The following ZNF609 variants were observed in gnomAD, a reference collection of about 807,000 sequenced individuals.
ZNF609 encodes zinc finger protein 609.
In ZNF609, 11 loss-of-function variants were observed where a neutral mutation model predicts 109.5. The ratio of observed to expected loss-of-function variants is 0.10; its 90% CI spans 0.06 to 0.17. ZNF609 has a LOEUF of 0.17. Among genes scored for constraint, ZNF609 ranks in the 10% least tolerant of loss-of-function variants. The probability of loss-of-function intolerance (pLI) is 1.00; values close to 1 mark genes in which losing one functional copy is unlikely to be tolerated. For missense variants in ZNF609, 1,559 were observed against 1,772.4 expected, an observed-to-expected ratio of 0.88 and a Z score of 2.16; for synonymous variants, 646 against 662.0, an observed-to-expected ratio of 0.98 and a Z score of 0.37.
chr15:64,647,794 C>G (rs923097085), intron 3 of ZNF609, among the ~76,000 whole-genome samples: 14 of 152,084 alleles, frequency 9.2e-5, no homozygotes, highest in Admixed American at 3.3e-4. Flanking sequence ...CCTCACATAC[C>G]AAGGAGACAC....
At chr15:64,633,437 A>G (rs1028175155) in intron 3 of ZNF609, among the ~76,000 whole-genome samples, 2 of 151,964 alleles carry the variant, frequency 1.3e-5, no homozygotes, top group African/African-American at 4.8e-5. Context: ...GTGAACCACT[A>G]CACCTGGCCT....
chr15:64,547,698 A>G (rs565767987), intron 2 of ZNF609, among the ~76,000 whole-genome samples: 9 of 151,840 alleles, frequency 5.9e-5, no homozygotes, highest in Non-Finnish European at 1.3e-4. Flanking sequence ...CCACCAGTGT[A>G]CCAGGCACTG....
At chr15:64,543,406 T>C (rs1021868904) in intron 2 of ZNF609, among the ~76,000 whole-genome samples, 1 of 151,280 alleles carries the variant, frequency 6.6e-6, no homozygotes, top group African/African-American at 2.4e-5. Context: ...CTTTTTTCTC[T>C]GCTTAAAACA....
At chr15:64,528,381 T>TTTATTA (rs200965877) in intron 2 of ZNF609, among the ~76,000 whole-genome samples, 11 of 150,040 alleles carry the variant, frequency 7.3e-5, no homozygotes, top group South Asian at 2.1e-4. Context: ...TTTAAAAAAA[T>TTTATTA]TTATTATTAT....
intron 2 of ZNF609, among the ~76,000 whole-genome samples, chr15:64,521,708 T>G (rs1893893286): frequency 6.6e-6 from 1 of 152,168 alleles, no homozygotes; most frequent in South Asian, 2.1e-4. Context: ...AGCCCATCAT[T>G]GCCAGTGTGG....
chr15:64,591,985 G>C (rs1406308364), intron 2 of ZNF609, among the ~76,000 whole-genome samples: 3 of 152,028 alleles, frequency 2.0e-5, no homozygotes, highest in South Asian at 4.2e-4. Context: ...CTGGGATTGC[G>C]AGTGTCAGCC....
chr15:64,665,733 C>T (rs1332766858), intron 3 of ZNF609, among the ~76,000 whole-genome samples: 1 of 152,054 alleles, frequency 6.6e-6, no homozygotes, highest in African/African-American at 2.4e-5. Context: ...ATGGAGAAAC[C>T]CCATATCTAC....
intron 2 of ZNF609, among the ~76,000 whole-genome samples, chr15:64,552,512 G>A (rs1308851188): frequency 3.3e-5 from 5 of 151,832 alleles, no homozygotes; most frequent in East Asian, 1.9e-4. Flanking sequence ...CACGCACCAC[G>A]CCTGGCTAAT....
chr15:64,614,466 C>G (rs1402037956), intron 2 of ZNF609, among the ~76,000 whole-genome samples: 1 of 152,002 alleles, frequency 6.6e-6, no homozygotes, highest in Non-Finnish European at 1.5e-5. Context: ...GATCTCCTGA[C>G]CTTGTGATCG....
Position 64,465,094 on chromosome 15 carries a change from T to G in ZNF609, c.-128+4256T>G, listed in dbSNP as rs149973868. The stretch of plus-strand genomic sequence containing the variant: ...ATTTATGGGAGTTCTGGCTTTATGC[T>G]TTGTGCATGGGAGGGAAATAGTGGT... On this transcript the variant is annotated intron_variant, in intron 1 of 9. Transcript: ENST00000326648. Among the ~76,000 whole-genome samples the G allele has an allele frequency of 2.7e-3, 417 of 152,292 alleles. 2 individuals carry two copies. Among genetic ancestry groups the G allele is most frequent in the African/African-American group, 9.4e-3 (392 of 41,564 alleles).
In ZNF609 at chr15:64,490,450, T is replaced by G. The variant is rs540223733; in HGVS notation, c.-127-8843T>G. ...CACCACACCTGGCTAGTTTTTGTAT[T>G]TTTAGTAGAGACAGGGTTTCTCCAT... On this transcript the variant is annotated intron_variant, in intron 1 of 9. Coordinates refer to ENST00000326648, the MANE Select transcript of ZNF609 (RefSeq NM_015042.2). 6.3e-4 allele frequency among the ~76,000 whole-genome samples: 96 copies of G among 152,098 alleles called. No homozygotes were observed. The South Asian group carries it at 9.8e-3, about 15-fold the overall frequency.
chr15:64,598,784 A>ATATATATC (rs1567025010), intron 2 of ZNF609, among the ~76,000 whole-genome samples: 45 of 116,926 alleles, frequency 3.8e-4, no homozygotes, highest in Non-Finnish European at 5.8e-4. Flanking sequence ...ATATATATAT[A>ATATATATC]TATCCTGTTA....
chr15:64,487,577 A>G (rs958240726), intron 1 of ZNF609, among the ~76,000 whole-genome samples: 6 of 149,868 alleles, frequency 4.0e-5, no homozygotes, highest in African/African-American at 1.5e-4. Flanking sequence ...ACCACTTTTC[A>G]TGACTGCTTT....
intron 1 of ZNF609, among the ~76,000 whole-genome samples, chr15:64,484,031 T>C (rs1028919139): frequency 7.1e-6 from 1 of 141,798 alleles, no homozygotes; most frequent in Non-Finnish European, 1.5e-5. Context: ...GATCAGAGGG[T>C]GCTGTTTCAG....
intron 2 of ZNF609, among the ~76,000 whole-genome samples, chr15:64,577,036 A>ATATATACACATAAATATATATATG (rs1474493390): frequency 7.7e-5 from 10 of 130,620 alleles, no homozygotes; most frequent in Admixed American, 2.6e-4. Context: ...ATATATATGT[A>ATATATACACATAAATATATATATG]TATATACACA....
intron 4 of ZNF609, among the ~76,000 whole-genome samples, chr15:64,672,422 C>T (rs1409746307): frequency 2.1e-5 from 3 of 145,226 alleles, no homozygotes; most frequent in Non-Finnish European, 3.0e-5. Context: ...GTCAGGAGTT[C>T]GAGACCAGCC....
In ZNF609 at chr15:64,577,138, AAATATATACATATGTGTATATATACACAC is replaced by A. The variant is rs1401536415; in HGVS notation, c.748-45675_748-45647del. Among the ~76,000 whole-genome samples, 61 of 28,832 alleles carry A rather than the reference AAATATATACATATGTGTATATATACACAC, an allele frequency of 2.1e-3. 14 individuals carry two copies. Among genetic ancestry groups the A allele is most frequent in the Admixed American group, 6.4e-3 (10 of 1,568 alleles). 18.9% of individuals were successfully genotyped at this position (28,832 alleles called of 152,430 possible). A position where few individuals can be genotyped will look rare whatever the true frequency, so the allele number is the denominator to read the frequency against. On this transcript the variant is annotated intron_variant, in intron 2 of 9. Transcript: ENST00000326648. ...TACATATATGTGTATATATACACAC[AAATATATACATATGTGTATATATACACAC>A]AATATATACATATATGTGTATATAT...
intron 2 of ZNF609, among the ~76,000 whole-genome samples, chr15:64,527,153 G>A (rs1893977793): frequency 6.6e-6 from 1 of 150,946 alleles, no homozygotes; most frequent in Non-Finnish European, 1.5e-5. Context: ...TGGAAATTCT[G>A]TTTAATTCTT....
chr15:64,662,167 C>CT (rs375095514), intron 3 of ZNF609, among the ~76,000 whole-genome samples: 1 of 152,196 alleles, frequency 6.6e-6, no homozygotes, highest in African/African-American at 2.4e-5. Context: ...CTCCATAGGG[C>CT]TGCTTAAGTG....
Sources: allele counts gnomAD v4.1 joint callset (sites outside exome capture counted in the v4.1 genomes callset), GRCh38; gene constraint gnomAD v4.1.1; transcripts MANE v1.5; gene names NCBI Gene and HGNC (gene_info 2026-07-23, HGNC 2026-07-21).